The following KCTD20 variants were observed in gnomAD, a reference collection of about 807,000 sequenced individuals.
KCTD20 encodes BTB/POZ domain-containing protein KCTD20.
Under a neutral mutation model 39.6 loss-of-function variants are expected in KCTD20, and 30 were observed. The ratio of observed to expected loss-of-function variants is 0.76; its 90% CI spans 0.57 to 1.03. The LOEUF (loss-of-function observed/expected upper bound fraction) is 1.03, where lower values mean the gene tolerates loss of function less well. Among genes scored for constraint, KCTD20 ranks in the 50% least tolerant of loss-of-function variants. The pLI is 0.00. For synonymous variants in KCTD20, 162 were observed against 180.6 expected (o/e 0.90, Z 0.83); for missense variants, 422 against 522.0 (o/e 0.81, Z 1.87).
At chr6:36,482,175 A>G (rs1458307452) in intron 6 of KCTD20, among the ~76,000 whole-genome samples, 2 of 152,204 alleles carry the variant, frequency 1.3e-5, no homozygotes, top group Non-Finnish European at 2.9e-5. Context: ...TTCAGTGTAC[A>G]TATATAACCA....
chr6:36,479,446 G>A (rs1435812280), intron 4 of KCTD20, 145 bp from the exon 5 acceptor site: 1 of 762,632 alleles, frequency 1.3e-6, no homozygotes, highest in Non-Finnish European at 2.1e-6. Flanking sequence ...ATAGCCAGGA[G>A]CTGTTTTGCC....
chr6:36,465,414 T>C (rs1217594073), intron 1 of KCTD20, among the ~76,000 whole-genome samples: 2 of 150,720 alleles, frequency 1.3e-5, no homozygotes, highest in Non-Finnish European at 3.0e-5. Context: ...TCTGAGTAGT[T>C]CAATGGTAGG....
chr6:36,486,388 G>A (rs1406481594), intron 7 of KCTD20, among the ~76,000 whole-genome samples: 1 of 152,166 alleles, frequency 6.6e-6, no homozygotes, highest in African/African-American at 2.4e-5. Flanking sequence ...AGCCTCTGAA[G>A]CTACTTTGAC....
At chr6:36,461,218 T>C (rs1482603522) in intron 1 of KCTD20, among the ~76,000 whole-genome samples, 1 of 152,182 alleles carries the variant, frequency 6.6e-6, no homozygotes, top group African/African-American at 2.4e-5. Context: ...CTAGAAAACT[T>C]TGCTAAGTTT....
At chr6:36,486,752 G>A in intron 7 of KCTD20, 131 bp from the exon 8 acceptor site, 1 of 741,894 alleles carries the variant, frequency 1.3e-6, no homozygotes. Flanking sequence ...ATGGGACAGG[G>A]ACTGGTCACT....
Position 36,489,953 on chromosome 6 carries a change from T to C in KCTD20, c.*2778T>C, listed in dbSNP as rs1367258260. The C allele has an allele frequency of 2.0e-5, 3 of 152,068 alleles. No individual in the cohort carries two copies. Among genetic ancestry groups the C allele is most frequent in the African/African-American group, 7.2e-5 (3 of 41,404 alleles). 9.4% of individuals were successfully genotyped at this position (152,068 alleles called of 1,614,324 possible). A position where few individuals can be genotyped will look rare whatever the true frequency, so the allele number is the denominator to read the frequency against. On this transcript the variant is annotated 3_prime_UTR_variant, in exon 8 of 8. Coordinates refer to ENST00000373731, the MANE Select transcript of KCTD20 (RefSeq NM_173562.5). Reference sequence around the variant, plus strand: ...TGGTTTCCCCTAAGCCCTGGAAAAATATTTGAAAGAATGGCAGCAAAAAGG... The same window carrying C: ...TGGTTTCCCCTAAGCCCTGGAAAAACATTTGAAAGAATGGCAGCAAAAAGG...
chr6:36,481,673 A>T lies in KCTD20; in HGVS notation c.770A>T (p.Glu257Val). 1.2e-6 allele frequency: 2 copies of T among 1,614,228 alleles called. No homozygotes were observed. Among genetic ancestry groups the T allele is most frequent in the Non-Finnish European group, 1.7e-6 (2 of 1,180,032 alleles). Residue 257 changes from glutamate to valine, a missense_variant, in exon 6 of 8, where the codon GAG (glutamate) becomes GTG (valine). Transcript: ENST00000373731. Reference sequence around the variant, plus strand: ...GGCTGTGCCAAGAAAGGAGAACGAGAGTGCCACATTGTTGTGCTGACGGAT... The same window carrying T: ...GGCTGTGCCAAGAAAGGAGAACGAGTGTGCCACATTGTTGTGCTGACGGAT... ...MVGCAKKGER[E>V]CHIVVLTDED...
At chr6:36,453,302 AC>A (rs1007610999) in intron 1 of KCTD20, among the ~76,000 whole-genome samples, 5 of 149,726 alleles carry the variant, frequency 3.3e-5, no homozygotes, top group African/African-American at 9.8e-5. Context: ...GTGAGCCACC[AC>A]CCCCAGCCTT....
rs1036538208 is a variant in KCTD20 at position 36,449,656 on chromosome 6, T to C, written c.-47+6545T>C. Among the ~76,000 whole-genome samples, 6 of 152,316 alleles carry C rather than the reference T, an allele frequency of 3.9e-5. No homozygotes were observed. The East Asian group carries it at 9.6e-4, about 24-fold the overall frequency. On this transcript the variant is annotated intron_variant, in intron 1 of 7. Transcript: ENST00000373731. ...ACTCGACCCAGGAAGTCCAGCTGGC[T>C]TCACCTCTCATCTTCACATTGTCAT...
intron 1 of KCTD20, among the ~76,000 whole-genome samples, chr6:36,459,889 TATAAA>T (rs1231528070): frequency 1.3e-5 from 2 of 152,374 alleles, no homozygotes; most frequent in African/African-American, 4.8e-5. Context: ...AGCTCTTTTC[TATAAA>T]ATAGTCAACT....
In KCTD20 at chr6:36,487,233, A is replaced by T. The variant is rs1372699221; in HGVS notation, c.*58A>T. On this transcript the variant is annotated 3_prime_UTR_variant, in exon 8 of 8. Transcript: ENST00000373731. ...CATCTCACCTGGGATGCCTGCAGCCAGCCCTCCCTCGTGATTTGTCTCACC... is the reference window on the plus strand; with the variant it reads ...CATCTCACCTGGGATGCCTGCAGCCTGCCCTCCCTCGTGATTTGTCTCACC... 15 of 1,538,074 alleles carry T rather than the reference A, an allele frequency of 9.8e-6. No individual in the cohort carries two copies. Among genetic ancestry groups the T allele is most frequent in the Non-Finnish European group, 1.3e-5 (15 of 1,135,102 alleles).
chr6:36,485,488 CTTTTTTTT>C (rs34990483), intron 7 of KCTD20, among the ~76,000 whole-genome samples: 9 of 97,116 alleles, frequency 9.3e-5, no homozygotes, highest in Admixed American at 1.3e-4. Flanking sequence ...TGGAGTGGAT[CTTTTTTTT>C]TTTTTTTTTT....
At chr6:36,448,772 C>G (rs148687731) in intron 1 of KCTD20, among the ~76,000 whole-genome samples, 13 of 152,154 alleles carry the variant, frequency 8.5e-5, no homozygotes, top group South Asian at 4.1e-4. Context: ...AGCCGCGGAG[C>G]CTCGCGGTGA....
In KCTD20 at chr6:36,489,846, T is replaced by C. The variant is rs1181786594; in HGVS notation, c.*2671T>C. On this transcript the variant is annotated 3_prime_UTR_variant, in exon 8 of 8. Coordinates refer to ENST00000373731, the MANE Select transcript of KCTD20 (RefSeq NM_173562.5). ...ATCTTGAGTTTGCATCTGCATCATA[T>C]CATGCTGTTTTGATGAGGAAACATT... The C allele has an allele frequency of 6.6e-6, 1 of 152,190 alleles. No individual in the cohort carries two copies. Among genetic ancestry groups the C allele is most frequent in the African/African-American group, 2.4e-5 (1 of 41,446 alleles). The allele number at this position is 152,190 out of a possible 1,614,324, so 9.4% of individuals were successfully genotyped here.
intron 1 of KCTD20, among the ~76,000 whole-genome samples, chr6:36,446,018 A>T (rs1175832939): frequency 6.9e-5 from 5 of 72,588 alleles, no homozygotes; most frequent in Non-Finnish European, 1.3e-4. Context: ...AAATGTTATG[A>T]ACTCAGTTTT....
intron 3 of KCTD20, among the ~76,000 whole-genome samples, chr6:36,478,362 G>A (rs2127451462): frequency 6.6e-6 from 1 of 152,294 alleles, no homozygotes; most frequent in East Asian, 1.9e-4. Flanking sequence ...GATAGAGGGA[G>A]GAAGGATGGG....
chr6:36,481,929 A>T (rs971649909), intron 6 of KCTD20, among the ~76,000 whole-genome samples, 170 bp downstream of exon 6: 10 of 152,248 alleles, frequency 6.6e-5, no homozygotes, highest in African/African-American at 1.9e-4. Flanking sequence ...TGGGGAACAC[A>T]GTGAATGTTG....
intron 1 of KCTD20, among the ~76,000 whole-genome samples, chr6:36,462,881 A>G (rs2127438596): frequency 6.6e-6 from 1 of 152,264 alleles, no homozygotes; most frequent in Middle Eastern, 3.4e-3. Context: ...CAACATTTTG[A>G]ACATGACACC....
At chr6:36,473,250 C>T (rs182306209) in intron 2 of KCTD20, among the ~76,000 whole-genome samples, 18 of 151,930 alleles carry the variant, frequency 1.2e-4, no homozygotes, top group Admixed American at 3.3e-4. Context: ...TTAGTAGAGA[C>T]GGGGCTTCAC....
Sources: gnomAD v4.1 joint callset for allele counts (sites outside exome capture counted in the v4.1 genomes callset) on GRCh38, gnomAD v4.1.1 for gene constraint, MANE v1.5 for transcripts, NCBI Gene and HGNC (gene_info 2026-07-23, HGNC 2026-07-21) for gene names.